Variants in CHMP4A observed in about 807,000 individuals in gnomAD.
CHMP4A encodes the protein charged multivesicular body protein 4A, also known as SNF7 homolog associated with Alix-2.
Under a neutral mutation model 28.2 loss-of-function variants are expected in CHMP4A, and 29 were observed. The observed-to-expected ratio is 1.03, with a 90% confidence interval of 0.77 to 1.40. The LOEUF is 1.40. Among genes scored for constraint, CHMP4A ranks in the 40% most tolerant of loss-of-function variants. The probability of loss-of-function intolerance (pLI) is 0.00; values close to 1 mark genes in which losing one functional copy is unlikely to be tolerated. For missense variants in CHMP4A, 241 were observed against 263.5 expected, an observed-to-expected ratio of 0.91 and a Z score of 0.59; for synonymous variants, 88 against 99.3, an observed-to-expected ratio of 0.89 and a Z score of 0.67.
chr14:24,210,882 TATCA>T (rs1433271957), intron 3 of CHMP4A, 114 bp from the exon 4 acceptor site: 16 of 756,104 alleles, frequency 2.1e-5, no homozygotes, highest in Non-Finnish European at 2.3e-6. Flanking sequence ...AGCCCATAAC[TATCA>T]ATCAGAAGAG....
Position 24,213,429 on chromosome 14 carries a change from A to C in CHMP4A, c.11T>G (p.Leu4Arg). MSG[L>R]GRLFGKGKKE... ...CTCACCCTTCCCGAAGAGCCTGCCG[A>C]GACCACTCATCGCGAGCTCGCCTCT... is the stretch of plus-strand genomic sequence containing the variant. Residue 4 changes from leucine (L) to arginine (R), a missense_variant, in exon 1 of 6, where the codon CTC becomes CGC. Leu to Arg is a moderately radical substitution (Grantham distance 102). Transcript: ENST00000347519. The C allele has an allele frequency of 1.9e-6, 3 of 1,609,954 alleles. No homozygotes were observed. Among genetic ancestry groups the C allele is most frequent in the Non-Finnish European group, 2.5e-6 (3 of 1,178,768 alleles).
intron 3 of CHMP4A, 179 bp downstream of exon 3, chr14:24,211,236 C>T: frequency 1.8e-6 from 1 of 554,440 alleles, no homozygotes; most frequent in East Asian, 2.8e-5. Context: ...CATCTTTCCT[C>T]CCTAGAATGC....
chr14:24,213,237 TG>T, intron 1 of CHMP4A, 171 bp downstream of exon 1: 1 of 729,754 alleles, frequency 1.4e-6, no homozygotes, highest in Non-Finnish European at 2.1e-6. Flanking sequence ...GTGTGCCTTT[TG>T]GCACCGGCGA....
At position 24,209,804 on chromosome 14, in the gene CHMP4A, T is replaced by C; in HGVS notation, c.*73A>G. The C allele has an allele frequency of 6.9e-7, 1 of 1,454,598 alleles. No homozygotes were observed. Among genetic ancestry groups the C allele is most frequent in the Non-Finnish European group, 9.6e-7 (1 of 1,037,148 alleles). The allele number at this position is 1,454,598 out of a possible 1,614,324, so 90.1% of individuals were successfully genotyped here. A position where few individuals can be genotyped will look rare whatever the true frequency, so the allele number is the denominator to read the frequency against. On this transcript the variant is annotated 3_prime_UTR_variant, in exon 6 of 6. Transcript: ENST00000347519. ...TGACTTCCCCAAAAAGTTATCCTCC[T>C]TTAGCTCAGCACTTGGCACTTAAGG...
chr14:24,211,326 A>T, intron 3 of CHMP4A, 89 bp downstream of exon 3: 1 of 1,178,404 alleles, frequency 8.5e-7, no homozygotes, highest in Non-Finnish European at 1.2e-6. Flanking sequence ...CTGCAAATTC[A>T]CATTCTGAGA....
chr14:24,210,931 C>T, intron 3 of CHMP4A, 163 bp from the exon 4 acceptor site: 1 of 615,516 alleles, frequency 1.6e-6, no homozygotes, highest in South Asian at 1.9e-5. Flanking sequence ...AAGTTGTGAT[C>T]CCAGCACTTT....
intron 1 of CHMP4A, 132 bp downstream of exon 1, chr14:24,213,277 G>A (rs2039613866): frequency 8.8e-7 from 1 of 1,140,510 alleles, no homozygotes; most frequent in African/African-American, 1.6e-5. Context: ...CGGCCGCCGG[G>A]GTTTTCCAGT....
intron 3 of CHMP4A, 76 bp from the exon 4 acceptor site, chr14:24,210,844 C>T (rs2039585566): frequency 2.8e-6 from 3 of 1,074,610 alleles, no homozygotes; most frequent in Admixed American, 1.7e-5. Context: ...GAATGAAACC[C>T]CTCCTGCCTT....
In CHMP4A at chr14:24,211,519, G is replaced by A. The variant is rs143526205; in HGVS notation, c.255C>T (p.Thr85=). The change falls in exon 3 of 6, where the codon ACC becomes ACT. Residue 85 remains threonine, a synonymous_variant. Coordinates refer to ENST00000347519, the MANE Select transcript of CHMP4A (RefSeq NM_014169.5). ...QLAQTDGTLS[T]LEFQREAIEN... ...CAATGGCCTCACGCTGAAACTCCAG[G>A]GTGGATAATGTCCCGTCAGTTTGTG... is the stretch of plus-strand genomic sequence containing the variant. 4.3e-6 allele frequency: 7 copies of A among 1,613,986 alleles called. No individual in the cohort carries two copies. The Admixed American group carries it at 1.0e-4, about 23-fold the overall frequency.
chr14:24,210,248 T>C (rs1302127028), intron 5 of CHMP4A, 100 bp downstream of exon 5: 6 of 1,477,692 alleles, frequency 4.1e-6, no homozygotes, highest in Non-Finnish European at 5.5e-6. Flanking sequence ...AGCAGCCCTT[T>C]CTGTGTGGCT....
chr14:24,212,487 A>T (rs2039601661), intron 1 of CHMP4A: 1 of 318,580 alleles, frequency 3.1e-6, no homozygotes, highest in African/African-American at 2.3e-5. Flanking sequence ...CCCGGGTTCA[A>T]GTGATTCTCC....
At chr14:24,213,363 T>C (rs760415246) in intron 1 of CHMP4A, 46 bp downstream of exon 1, 1 of 1,521,204 alleles carries the variant, frequency 6.6e-7, no homozygotes, top group South Asian at 1.3e-5. Context: ...CCTCTTCCCC[T>C]GCACCAGCCA....
At chr14:24,210,262 T>A in intron 5 of CHMP4A, 86 bp downstream of exon 5, 1 of 1,532,096 alleles carries the variant, frequency 6.5e-7, no homozygotes, top group Non-Finnish European at 8.8e-7. Flanking sequence ...TGTGGCTCCT[T>A]TGAGGCAGGA....
rs908408137 is a variant in CHMP4A at position 24,213,283 on chromosome 14, CCAGT to C, written c.31+122_31+125del. 2.3e-5 allele frequency: 28 copies of C among 1,207,116 alleles called. No individual in the cohort carries two copies. In the Admixed American group the frequency reaches 2.6e-4, roughly 11 times the overall value. 74.8% of individuals were successfully genotyped at this position (1,207,116 alleles called of 1,614,324 possible). A position where few individuals can be genotyped will look rare whatever the true frequency, so the allele number is the denominator to read the frequency against. On this transcript the variant is annotated intron_variant, in intron 1 of 5. Coordinates refer to ENST00000347519, the MANE Select transcript of CHMP4A (RefSeq NM_014169.5). Reference sequence around the variant, plus strand: ...CTCCGCCATCGGCCGCCGGGGTTTTCCAGTCAGCCTGTCTCCTGATTCTCTTCCC... The same window carrying C: ...CTCCGCCATCGGCCGCCGGGGTTTTCCAGCCTGTCTCCTGATTCTCTTCCC...
intron 1 of CHMP4A, among the ~76,000 whole-genome samples, chr14:24,212,296 T>C (rs1234613542): frequency 1.3e-5 from 2 of 152,092 alleles, no homozygotes; most frequent in Non-Finnish European, 2.9e-5. Flanking sequence ...GCTTTCTCCA[T>C]GTTGGTCAGG....
intron 1 of CHMP4A, 110 bp downstream of exon 1, chr14:24,213,299 C>T: frequency 1.5e-6 from 2 of 1,323,376 alleles, no homozygotes; most frequent in Non-Finnish European, 2.0e-6. Context: ...AGCCTGTCTC[C>T]TGATTCTCTT....
At position 24,210,781 on chromosome 14, in the gene CHMP4A, T is replaced by C. The variant is rs375214759; in HGVS notation, c.360-13A>G. On this transcript the variant is annotated splice_polypyrimidine_tract_variant and intron_variant, in intron 3 of 5. Coordinates refer to ENST00000347519, the MANE Select transcript of CHMP4A (RefSeq NM_014169.5). The stretch of plus-strand genomic sequence containing the variant: ...CTTGTCAATGTCCCTGAGAATGAGA[T>C]AGATAGCTAAGAAATCACGCAACAA... 20 of 1,589,658 alleles carry C rather than the reference T, an allele frequency of 1.3e-5. No homozygotes were observed. The highest frequency in any genetic ancestry group is 5.0e-5 in the Admixed American group (3 of 59,962).
At position 24,211,957 on chromosome 14, in the gene CHMP4A, G is replaced by T. The variant is rs1331552050; in HGVS notation, c.32-128C>A. 4.0e-6 allele frequency: 3 copies of T among 749,204 alleles called. No homozygotes were observed. The African/African-American group carries it at 5.2e-5, about 13-fold the overall frequency. 46.4% of individuals were successfully genotyped at this position (749,204 alleles called of 1,614,324 possible). On this transcript the variant is annotated intron_variant, in intron 1 of 5. Transcript: ENST00000347519. ...TAATCCCCAAATCTCTACAATGAACGTGCTATCTCTTCACTTTAAAAATGT... is the reference window on the plus strand; with the variant it reads ...TAATCCCCAAATCTCTACAATGAACTTGCTATCTCTTCACTTTAAAAATGT...
chr14:24,211,367 C>G, intron 3 of CHMP4A, 48 bp downstream of exon 3: 1 of 1,515,586 alleles, frequency 6.6e-7, no homozygotes. Context: ...GATAGCAAGC[C>G]ACTCTTCCCA....
Sources: allele counts gnomAD v4.1 joint callset (sites outside exome capture counted in the v4.1 genomes callset), GRCh38; gene constraint gnomAD v4.1.1; transcripts MANE v1.5; gene names NCBI Gene and HGNC (gene_info 2026-07-23, HGNC 2026-07-21).